DLG2: variants seen among roughly 807,000 people sequenced by gnomAD.
DLG2 encodes the protein discs large MAGUK scaffold protein 2.
DLG2 carries 45 observed loss-of-function variants against 132.5 expected under a neutral mutation model. The ratio of observed to expected loss-of-function variants is 0.34; its 90% CI spans 0.27 to 0.44. The LOEUF is 0.44. Ranked by LOEUF, DLG2 falls within the 20% of genes least tolerant of loss-of-function variation. DLG2 has a pLI of 1.00. For missense variants in DLG2, 1,045 were observed against 1,196.9 expected (o/e 0.87, Z 1.87); for synonymous variants, 424 against 419.6 (o/e 1.01, Z -0.13).
intron 3 of DLG2, among the ~76,000 whole-genome samples, chr11:85,462,205 A>G (rs1255945114): frequency 6.6e-6 from 1 of 152,236 alleles, no homozygotes; most frequent in Non-Finnish European, 1.5e-5. Context: ...TGTTGGTGGG[A>G]CGGTAAACTA....
At chr11:83,538,255 G>T (rs2095950042) in intron 20 of DLG2, among the ~76,000 whole-genome samples, 1 of 152,138 alleles carries the variant, frequency 6.6e-6, no homozygotes, top group African/African-American at 2.4e-5. Flanking sequence ...TACTTCAGGT[G>T]CTCACTGCCA....
At chr11:84,423,698 T>C (rs1048424014) in intron 7 of DLG2, among the ~76,000 whole-genome samples, 1 of 151,796 alleles carries the variant, frequency 6.6e-6, no homozygotes, top group Admixed American at 6.5e-5. Context: ...GTTTAGATTA[T>C]CTTTTAATTA....
intron 21 of DLG2, among the ~76,000 whole-genome samples, chr11:83,493,380 CTTCCTTCCTTCCT>C (rs1411537793): frequency 2.4e-5 from 2 of 84,424 alleles, no homozygotes; most frequent in Non-Finnish European, 5.1e-5. Flanking sequence ...TCCTTCCTTC[CTTCCTTCCTTCCT>C]TTCTCTCTCT....
chr11:85,101,145 C>A (rs569040360), intron 6 of DLG2, among the ~76,000 whole-genome samples: 1 of 152,188 alleles, frequency 6.6e-6, no homozygotes, highest in East Asian at 1.9e-4. Context: ...ACACTTCTTT[C>A]TTTCCAAGCT....
intron 6 of DLG2, among the ~76,000 whole-genome samples, chr11:84,881,198 C>T (rs537318590): frequency 2.0e-5 from 3 of 152,212 alleles, no homozygotes; most frequent in Non-Finnish European, 4.4e-5. Context: ...ATGACATTTG[C>T]AAAGCCTCCT....
chr11:85,359,547 G>T (rs912970962), intron 3 of DLG2, among the ~76,000 whole-genome samples: 4 of 152,190 alleles, frequency 2.6e-5, no homozygotes, highest in Non-Finnish European at 1.5e-5. Context: ...CACTGTGGGA[G>T]AAATAAAGAT....
intron 7 of DLG2, among the ~76,000 whole-genome samples, chr11:84,422,027 A>C (rs2098952675): frequency 6.6e-6 from 1 of 152,218 alleles, no homozygotes; most frequent in Non-Finnish European, 1.5e-5. Context: ...TGAAAAATAC[A>C]CTTGAATTGT....
chr11:85,567,450 C>T (rs924718383), intron 3 of DLG2, among the ~76,000 whole-genome samples: 1 of 152,134 alleles, frequency 6.6e-6, no homozygotes. Context: ...TTGCTCATGA[C>T]TGATGTAAAA....
intron 5 of DLG2, among the ~76,000 whole-genome samples, chr11:85,146,385 C>T (rs1350549689): frequency 1.3e-5 from 2 of 152,078 alleles, no homozygotes; most frequent in East Asian, 3.9e-4. Flanking sequence ...AGGTCCATGG[C>T]TACTCTTTCC....
chr11:83,960,899 T>A (rs1678363955), intron 14 of DLG2, among the ~76,000 whole-genome samples: 1 of 151,970 alleles, frequency 6.6e-6, no homozygotes, highest in African/African-American at 2.4e-5. Context: ...TAACATAATT[T>A]ACTTTAACAG....
At chr11:85,221,941 CT>C (rs144785365) in intron 4 of DLG2, among the ~76,000 whole-genome samples, 86 of 146,782 alleles carry the variant, frequency 5.9e-4, no homozygotes, top group African/African-American at 1.5e-3. Context: ...TTCTTTCTTT[CT>C]TTTTTTTTTT....
chr11:85,067,831 T>C (rs1274733604), intron 6 of DLG2, among the ~76,000 whole-genome samples: 34 of 151,960 alleles, frequency 2.2e-4, no homozygotes, highest in Admixed American at 2.2e-3. Flanking sequence ...TACCAAAGCC[T>C]GGGAGAGACA....
chr11:83,627,870 C>A (rs2062868992), intron 19 of DLG2, among the ~76,000 whole-genome samples: 1 of 152,180 alleles, frequency 6.6e-6, no homozygotes, highest in Non-Finnish European at 1.5e-5. Context: ...TCCTCTCCAG[C>A]ACCTGTTGTT....
intron 16 of DLG2, among the ~76,000 whole-genome samples, chr11:83,858,981 A>G (rs1367566762): frequency 2.6e-5 from 4 of 152,176 alleles, no homozygotes; most frequent in Admixed American, 2.6e-4. Flanking sequence ...TCAAAATGGG[A>G]ATTTCCCTGC....
chr11:84,330,806 C>A (rs1183166827), intron 7 of DLG2, among the ~76,000 whole-genome samples: 1 of 152,156 alleles, frequency 6.6e-6, no homozygotes, highest in Admixed American at 6.5e-5. Flanking sequence ...CTTTCCTGCT[C>A]AGTACATTCC....
intron 6 of DLG2, among the ~76,000 whole-genome samples, chr11:84,772,159 C>CA (rs2069529637): frequency 6.6e-6 from 1 of 150,682 alleles, no homozygotes; most frequent in Non-Finnish European, 1.5e-5. Context: ...AAAACGACAA[C>CA]AAAAACCAAA....
intron 21 of DLG2, among the ~76,000 whole-genome samples, chr11:83,518,341 T>C (rs977461342): frequency 6.6e-6 from 1 of 152,228 alleles, no homozygotes; most frequent in Non-Finnish European, 1.5e-5. Context: ...TATAATCTCC[T>C]GGTGTGACGT....
chr11:84,935,486 GT>G (rs2048632371), intron 6 of DLG2, among the ~76,000 whole-genome samples: 1 of 152,102 alleles, frequency 6.6e-6, no homozygotes, highest in Non-Finnish European at 1.5e-5. Flanking sequence ...CATTGAACTT[GT>G]TTTGATTCCT....
chr11:84,405,434 G>A (rs1184420166), intron 7 of DLG2, among the ~76,000 whole-genome samples: 1 of 152,148 alleles, frequency 6.6e-6, no homozygotes, highest in Non-Finnish European at 1.5e-5. Context: ...AGGAGACATA[G>A]TCTTGTGTCT....
Sources: gnomAD v4.1 joint callset for allele counts (sites outside exome capture counted in the v4.1 genomes callset) on GRCh38, gnomAD v4.1.1 for gene constraint, MANE v1.5 for transcripts, NCBI Gene and HGNC (gene_info 2026-07-23, HGNC 2026-07-21) for gene names.